The following CTNNBL1 variants were observed in gnomAD, a reference collection of about 807,000 sequenced individuals.
CTNNBL1 encodes the protein beta-catenin-like protein 1.
In CTNNBL1, 31 loss-of-function variants were observed where a neutral mutation model predicts 72.7. The observed-to-expected ratio is 0.43, with a 90% CI of 0.32 to 0.58. CTNNBL1 has a LOEUF of 0.58. Ranked by LOEUF, CTNNBL1 falls within the 20% of genes least tolerant of loss-of-function variation. CTNNBL1 has a pLI of 0.08. For synonymous variants in CTNNBL1, 240 were observed against 267.3 expected (o/e 0.90, Z 1.00); for missense variants, 534 against 725.1 (o/e 0.74, Z 3.03).
At chr20:37,825,887 G>A (rs531997154) in intron 11 of CTNNBL1, among the ~76,000 whole-genome samples, 9 of 152,282 alleles carry the variant, frequency 5.9e-5, no homozygotes, top group African/African-American at 2.2e-4. Flanking sequence ...TTGTAGCGAT[G>A]GGGTTGGTTT....
intron 11 of CTNNBL1, among the ~76,000 whole-genome samples, chr20:37,804,142 A>T (rs970597317): frequency 5.9e-5 from 9 of 152,252 alleles, no homozygotes; most frequent in Non-Finnish European, 1.2e-4. Flanking sequence ...TGTGGCCTAG[A>T]GACCTGAGAA....
intron 15 of CTNNBL1, among the ~76,000 whole-genome samples, chr20:37,864,602 C>G (rs2072521441): frequency 6.6e-6 from 1 of 152,210 alleles, no homozygotes; most frequent in Admixed American, 6.5e-5. Flanking sequence ...GTCCAGCCTT[C>G]CCCAGAACCA....
At chr20:37,757,784 G>GT in intron 5 of CTNNBL1, 128 bp downstream of exon 5, 1 of 642,676 alleles carries the variant, frequency 1.6e-6, no homozygotes, top group South Asian at 1.9e-5. Context: ...AGGCTGGAGT[G>GT]AATAAGGAGA....
intron 11 of CTNNBL1, among the ~76,000 whole-genome samples, chr20:37,823,386 CT>C (rs1159588135): frequency 6.6e-6 from 1 of 152,182 alleles, no homozygotes; most frequent in African/African-American, 2.4e-5. Flanking sequence ...ATAAGGCCGC[CT>C]TGGGTCTGCA....
intron 10 of CTNNBL1, among the ~76,000 whole-genome samples, chr20:37,796,834 T>C (rs916878751): frequency 6.6e-6 from 1 of 152,212 alleles, no homozygotes; most frequent in African/African-American, 2.4e-5. Flanking sequence ...GCCTGTCTCA[T>C]GGTAGAGGGA....
intron 10 of CTNNBL1, among the ~76,000 whole-genome samples, chr20:37,799,818 A>G (rs2073808822): frequency 6.6e-6 from 1 of 152,162 alleles, no homozygotes; most frequent in Admixed American, 6.5e-5. Context: ...TCCACAAGGG[A>G]AATAAAGATA....
At chr20:37,733,549 C>T (rs2073147604) in intron 2 of CTNNBL1, among the ~76,000 whole-genome samples, 1 of 152,148 alleles carries the variant, frequency 6.6e-6, no homozygotes, top group South Asian at 2.1e-4. Context: ...TGCTGTTCCT[C>T]AAGATGCGTT....
At chr20:37,772,020 G>C (rs1235544062) in intron 7 of CTNNBL1, among the ~76,000 whole-genome samples, 2 of 152,066 alleles carry the variant, frequency 1.3e-5, no homozygotes, top group African/African-American at 4.8e-5. Context: ...GCCTATCTGG[G>C]TTCTAGCATC....
chr20:37,739,919 T>C (rs532189782), intron 3 of CTNNBL1, among the ~76,000 whole-genome samples: 1 of 152,336 alleles, frequency 6.6e-6, no homozygotes, highest in Non-Finnish European at 1.5e-5. Context: ...CGGGTAATGA[T>C]ACTGGAAATT....
At chr20:37,741,523 C>G (rs1197797347) in intron 3 of CTNNBL1, among the ~76,000 whole-genome samples, 1 of 152,198 alleles carries the variant, frequency 6.6e-6, no homozygotes, top group Non-Finnish European at 1.5e-5. Context: ...GCTCTGTGTT[C>G]CAGTGACACT....
At chr20:37,795,726 G>T (rs552841549) in intron 10 of CTNNBL1, among the ~76,000 whole-genome samples, 1 of 151,634 alleles carries the variant, frequency 6.6e-6, no homozygotes, top group Non-Finnish European at 1.5e-5. Context: ...TTCATTTTAC[G>T]TATCAATTGT....
At chr20:37,842,467 T>C (rs1381225198) in intron 13 of CTNNBL1, 48 bp downstream of exon 13, 1 of 1,326,482 alleles carries the variant, frequency 7.5e-7, no homozygotes, top group Non-Finnish European at 1.1e-6. Flanking sequence ...TGCCCTCCGT[T>C]TGGGTCCCTT....
intron 5 of CTNNBL1, among the ~76,000 whole-genome samples, chr20:37,762,827 A>G (rs888816322): frequency 1.3e-5 from 2 of 152,244 alleles, no homozygotes; most frequent in Non-Finnish European, 2.9e-5. Context: ...CCAACTAAAC[A>G]TAAAGTTTCA....
intron 11 of CTNNBL1, among the ~76,000 whole-genome samples, chr20:37,805,578 G>T (rs545862880): frequency 6.6e-6 from 1 of 151,934 alleles, no homozygotes; most frequent in African/African-American, 2.4e-5. Flanking sequence ...TGTATTTTTA[G>T]TAGAGATGGG....
At chr20:37,752,963 A>T (rs1330020) in intron 4 of CTNNBL1, among the ~76,000 whole-genome samples, 74,715 of 151,810 alleles carry the variant, frequency 0.49, 20,897 homozygotes, top group African/African-American at 0.78. Flanking sequence ...GTAACTACAG[A>T]GGAAAAACCT....
At chr20:37,729,661 C>G (rs568301873) in intron 1 of CTNNBL1, among the ~76,000 whole-genome samples, 3 of 152,160 alleles carry the variant, frequency 2.0e-5, no homozygotes, top group African/African-American at 7.2e-5. Context: ...TAATCAGAAT[C>G]GCAGCAGGGC....
At chr20:37,862,655 A>G (rs900755799) in intron 15 of CTNNBL1, among the ~76,000 whole-genome samples, 4 of 152,064 alleles carry the variant, frequency 2.6e-5, no homozygotes, top group Admixed American at 1.3e-4. Flanking sequence ...GTCTGCACAG[A>G]CGCCATCTTC....
chr20:37,798,418 C>T (rs540017032), intron 10 of CTNNBL1, among the ~76,000 whole-genome samples: 28 of 152,266 alleles, frequency 1.8e-4, no homozygotes, highest in African/African-American at 6.3e-4. Context: ...TTGGTTCTGG[C>T]GTGATCGACA....
intron 10 of CTNNBL1, among the ~76,000 whole-genome samples, chr20:37,791,160 A>G (rs2073721957): frequency 6.6e-6 from 1 of 152,118 alleles, no homozygotes; most frequent in African/African-American, 2.4e-5. Context: ...TCACTTGTTG[A>G]AGGATATTTG....
Sources: gnomAD v4.1 joint callset for allele counts (sites outside exome capture counted in the v4.1 genomes callset) on GRCh38, gnomAD v4.1.1 for gene constraint, MANE v1.5 for transcripts, NCBI Gene and HGNC (gene_info 2026-07-23, HGNC 2026-07-21) for gene names.